The following ZDHHC7 variants were observed in gnomAD, a reference collection of about 807,000 sequenced individuals.
ZDHHC7 encodes the protein palmitoyltransferase ZDHHC7.
In ZDHHC7, 12 loss-of-function variants were observed where a neutral mutation model predicts 34.1. The observed-to-expected ratio is 0.35, with a 90% CI of 0.23 to 0.57. The LOEUF is 0.57. Ranked by LOEUF, ZDHHC7 falls within the 20% of genes least tolerant of loss-of-function variation. ZDHHC7 has a pLI of 0.84. For synonymous variants in ZDHHC7, 185 were observed against 155.4 expected, an observed-to-expected ratio of 1.19 and a Z score of -1.42; for missense variants, 388 against 402.7, an observed-to-expected ratio of 0.96 and a Z score of 0.31.
At chr16:85,010,431 TATTA>T (rs1341881905) in intron 1 of ZDHHC7, among the ~76,000 whole-genome samples, 1 of 152,102 alleles carries the variant, frequency 6.6e-6, no homozygotes, top group Non-Finnish European at 1.5e-5. Context: ...CAGAAAGAAA[TATTA>T]ATACACATTG....
intron 3 of ZDHHC7, among the ~76,000 whole-genome samples, chr16:84,986,168 G>A (rs910732408): frequency 6.6e-6 from 1 of 152,156 alleles, no homozygotes; most frequent in Non-Finnish European, 1.5e-5. Context: ...CGGCGTGGGC[G>A]AGGCCACCAC....
chr16:85,001,927 TAA>T (rs369065768), intron 1 of ZDHHC7, among the ~76,000 whole-genome samples: 1 of 138,162 alleles, frequency 7.2e-6, no homozygotes, highest in Non-Finnish European at 1.5e-5. Flanking sequence ...GCAAAAAAAA[TAA>T]ATATATATAC....
chr16:85,006,769 C>T lies in ZDHHC7; in HGVS notation c.-104+4517G>A, dbSNP rs550286159. Among the ~76,000 whole-genome samples the T allele has an allele frequency of 1.2e-3, 175 of 152,150 alleles. 1 individual carries two copies. The highest frequency in any genetic ancestry group is 3.4e-3 in the Middle Eastern group (1 of 294). On this transcript the variant is annotated intron_variant, in intron 1 of 7. Transcript: ENST00000313732. ...AGTAATAATAAAAAATTAAATAAAACAAAACCACAGCACAGGTCACAAAAT... is the reference window on the plus strand; with the variant it reads ...AGTAATAATAAAAAATTAAATAAAATAAAACCACAGCACAGGTCACAAAAT...
At chr16:85,013,666 TTC>T (rs1169703697), upstream of ZDHHC7, among the ~76,000 whole-genome samples, 8 of 152,104 alleles carry the variant, frequency 5.3e-5, no homozygotes, top group Non-Finnish European at 1.2e-4. Flanking sequence ...ACTTCTGTTT[TTC>T]TCTTATTAAT....
chr16:84,982,755 CG>C (rs2072387117), intron 3 of ZDHHC7, among the ~76,000 whole-genome samples: 1 of 152,256 alleles, frequency 6.6e-6, no homozygotes, highest in Admixed American at 6.5e-5. Context: ...GGCCGCCCAG[CG>C]GCATCAGAAA....
the ZDHHC7 span, among the ~76,000 whole-genome samples, chr16:85,024,065 G>GT: frequency 6.6e-6 from 1 of 152,018 alleles, no homozygotes; most frequent in Admixed American, 6.6e-5. Flanking sequence ...TTTCAGGCAT[G>GT]TGCCACCACG....
At chr16:84,985,323 C>T (rs542210094) in intron 3 of ZDHHC7, among the ~76,000 whole-genome samples, 2 of 152,352 alleles carry the variant, frequency 1.3e-5, no homozygotes, top group Non-Finnish European at 2.9e-5. Context: ...CTTCGCAGAG[C>T]ATGCTTCCGG....
rs144452278 is a variant in ZDHHC7, at chr16:84,994,638, C to A, written c.-18+1284G>T. On this transcript the variant is annotated intron_variant, in intron 2 of 7. Transcript: ENST00000313732. Reference sequence around the variant, plus strand: ...TGCAGGATGCTGCTGTGGCTCCATGCCTGACCTGGGGGTGCGGATGGCAGG... The same window carrying A: ...TGCAGGATGCTGCTGTGGCTCCATGACTGACCTGGGGGTGCGGATGGCAGG... Among the ~76,000 whole-genome samples, 682 of 152,296 alleles carry A rather than the reference C, an allele frequency of 4.5e-3. 5 individuals are homozygous for A. Among genetic ancestry groups the A allele is most frequent in the African/African-American group, 0.016 (658 of 41,556 alleles).
At chr16:84,988,658 A>G in intron 3 of ZDHHC7, 1 of 946,960 alleles carries the variant, frequency 1.1e-6, no homozygotes, top group Middle Eastern at 3.2e-4. Flanking sequence ...GTAGAGTCTG[A>G]GCGCAGAGGA....
Position 84,990,612 on chromosome 16 carries a change from G to A in ZDHHC7, c.7C>T (p.Pro3Ser). 1.2e-6 allele frequency: 2 copies of A among 1,612,934 alleles called. No homozygotes were observed. The highest frequency in any genetic ancestry group is 8.5e-7 in the Non-Finnish European group (1 of 1,179,298). ...ACGTCCCGGAGCCTGTGTCCTGATG[G>A]CTGCATGATTTCCCTGACGCACCCT... MQPSGHRLRDVEH... is the reference protein window; with the variant it reads MQSSGHRLRDVEH... The change falls in exon 3 of 8, where the codon CCA becomes TCA. Residue 3 changes from proline (P) to serine (S), a missense_variant. Pro to Ser is a moderately conservative substitution (Grantham distance 74). Coordinates refer to ENST00000313732, the MANE Select transcript of ZDHHC7 (RefSeq NM_017740.3).
chr16:84,999,722 G>C (rs1005347513), intron 1 of ZDHHC7, among the ~76,000 whole-genome samples: 1 of 152,192 alleles, frequency 6.6e-6, no homozygotes, highest in African/African-American at 2.4e-5. Flanking sequence ...TGACTGTGGA[G>C]AGGGCCAAGG....
the ZDHHC7 span, among the ~76,000 whole-genome samples, chr16:85,018,451 CTT>C: frequency 4.6e-4 from 66 of 143,176 alleles, no homozygotes; most frequent in Admixed American, 3.2e-3. Context: ...TATTTGTATT[CTT>C]TTTTTTTTTT....
intron 2 of ZDHHC7, among the ~76,000 whole-genome samples, chr16:84,995,583 G>A (rs987540090): frequency 5.9e-5 from 9 of 152,070 alleles, no homozygotes; most frequent in African/African-American, 1.9e-4. Context: ...CCAAGATCAC[G>A]CCATTGCACT....
In ZDHHC7 at chr16:85,010,045, C is replaced by CTTTT. The variant is rs10630948; in HGVS notation, c.-104+1237_-104+1240dup. On this transcript the variant is annotated intron_variant, in intron 1 of 7. Transcript: ENST00000313732. ...TTAACAAGCGAATTTAACAAAGTGA[C>CTTTT]TTTTTTTTTTTTTTTGAGATGGGGA... is the stretch of plus-strand genomic sequence containing the variant. Among the ~76,000 whole-genome samples the CTTTT allele has an allele frequency of 1.1e-3, 154 of 138,444 alleles. 1 individual carries two copies. The highest frequency in any genetic ancestry group is 4.0e-3 in the African/African-American group (145 of 36,680). The allele number at this position is 138,444 out of a possible 152,430, so 90.8% of individuals were successfully genotyped here.
At chr16:84,984,937 G>C (rs1277421018) in intron 3 of ZDHHC7, among the ~76,000 whole-genome samples, 1 of 152,180 alleles carries the variant, frequency 6.6e-6, no homozygotes, top group African/African-American at 2.4e-5. Context: ...CAGCGGCAGG[G>C]GCTGGAGCAC....
the ZDHHC7 span, among the ~76,000 whole-genome samples, chr16:85,019,063 A>T: frequency 2.0e-5 from 3 of 152,114 alleles, no homozygotes; most frequent in Admixed American, 6.5e-5. Context: ...TGTGTGGGCC[A>T]CTCACTGAGT....
the ZDHHC7 span, among the ~76,000 whole-genome samples, chr16:85,019,422 G>T: frequency 6.6e-6 from 1 of 150,774 alleles, no homozygotes; most frequent in Admixed American, 6.6e-5. Flanking sequence ...CCTCTAAAAA[G>T]AAGTAGTCAT....
At chr16:84,992,908 G>T (rs183358985) in intron 2 of ZDHHC7, among the ~76,000 whole-genome samples, 1 of 152,264 alleles carries the variant, frequency 6.6e-6, no homozygotes, top group East Asian at 1.9e-4. Flanking sequence ...ATGTGGTGAG[G>T]ATTCATTCGC....
rs905242178 is a variant in ZDHHC7 at position 84,974,229 on chromosome 16, A to C, written c.*2114T>G. 1 of 152,250 alleles carries C rather than the reference A, an allele frequency of 6.6e-6. No individual in the cohort carries two copies. The highest frequency in any genetic ancestry group is 1.5e-5 in the Non-Finnish European group (1 of 68,048). The allele number at this position is 152,250 out of a possible 1,614,324, so 9.4% of individuals were successfully genotyped here. On this transcript the variant is annotated 3_prime_UTR_variant, in exon 8 of 8. Transcript: ENST00000313732. ...TCAACGTGCACTAAAAAAAGGACTA[A>C]GTAAAACGATGGGAGTCGAATTAAA...
Sources: gnomAD v4.1 joint callset for allele counts (sites outside exome capture counted in the v4.1 genomes callset) on GRCh38, gnomAD v4.1.1 for gene constraint, MANE v1.5 for transcripts, NCBI Gene and HGNC (gene_info 2026-07-23, HGNC 2026-07-21) for gene names.